The following ABCG4 variants were observed in gnomAD, a reference collection of about 807,000 sequenced individuals.
The protein encoded by ABCG4 is ATP-binding cassette sub-family G member 4.
Under a neutral mutation model 64.6 loss-of-function variants are expected in ABCG4, and 35 were observed. That is an observed-to-expected ratio of 0.54 (90% CI 0.41 to 0.72). The LOEUF (loss-of-function observed/expected upper bound fraction) is 0.72. Among genes scored for constraint, ABCG4 ranks in the 30% least tolerant of loss-of-function variants. The pLI, the probability that ABCG4 is intolerant of heterozygous loss-of-function variation, is 0.00. For synonymous variants in ABCG4, 326 were observed against 348.2 expected (o/e 0.94, Z 0.71); for missense variants, 610 against 846.3 (o/e 0.72, Z 3.46).
rs115075339 is a variant in ABCG4 at position 119,156,948 on chromosome 11, T to C, written c.1002T>C (p.Ala334=). Residue 334 remains alanine, a synonymous_variant, in exon 9 of 15, where the codon GCT becomes GCC. Coordinates refer to ENST00000619701, the MANE Select transcript of ABCG4 (RefSeq NM_022169.5). The surrounding 1 kb of genome is among the most constrained non-coding windows in gnomAD (Gnocchi z 5.5). ...GGGCTGTGCAGAATGGGCTGTGCGC[T>C]ATGGCTGAGAAGAAGAGCAGCCCTG... The part of the protein sequence containing the change: ...LFRAVQNGLC[A]MAEKKSSPEK... 4.9e-4 allele frequency: 795 copies of C among 1,613,994 alleles called. 10 individuals carry two copies. The African/African-American group carries it at 9.5e-3, about 19-fold the overall frequency.
chr11:119,149,695 A>T lies in ABCG4; in HGVS notation c.-12-259A>T. 1.9e-6 allele frequency: 1 copy of T among 538,894 alleles called. No homozygotes were observed. Among genetic ancestry groups the T allele is most frequent in the Non-Finnish European group, 3.3e-6 (1 of 304,146 alleles). 33.4% of individuals were successfully genotyped at this position (538,894 alleles called of 1,614,324 possible). ...GGGGCTGCTGGCCTGCGGGGTAAGG[A>T]GATTAGAGAAGCCGCCGGGAGGAAG... On this transcript the variant is annotated intron_variant, in intron 1 of 14. Coordinates refer to ENST00000619701, the MANE Select transcript of ABCG4 (RefSeq NM_022169.5). This position sits in a 1 kb window ranked among gnomAD's most constrained non-coding sequence, Gnocchi z 8.3.
At chr11:119,159,177 A>G (rs1236333692) in intron 12 of ABCG4, among the ~76,000 whole-genome samples, 1 of 152,242 alleles carries the variant, frequency 6.6e-6, no homozygotes, top group Non-Finnish European at 1.5e-5. Context: ...CTGACAACAA[A>G]CAGAAAATGA....
In ABCG4 at chr11:119,150,121, C is replaced by T. The variant is rs776680931; in HGVS notation, c.156C>T (p.His52=). The T allele has an allele frequency of 2.5e-6, 4 of 1,614,158 alleles. No homozygotes were observed. Among genetic ancestry groups the T allele is most frequent in the Admixed American group, 1.7e-5 (1 of 60,022 alleles). Residue 52 remains histidine (H), a synonymous_variant, in exon 2 of 15, where the codon CAC becomes CAT. Transcript: ENST00000619701. This position sits in a 1 kb window ranked among gnomAD's most constrained non-coding sequence, Gnocchi z 4.3. ...TCACTGAAGCCCAGCGCTTCTCCCA[C>T]CTACCCAAGCGCTCAGCCGTGGACA... ...NHITEAQRFS[H]LPKRSAVDIE...
Position 119,150,154 on chromosome 11 carries a change from C to G in ABCG4, c.189C>G (p.Phe63Leu), listed in dbSNP as rs1461324097. ...AGCGCTCAGCCGTGGACATCGAGTT[C>G]GTGGAGCTGTCCTATTCCGTGCGGG... is the stretch of plus-strand genomic sequence containing the variant. ...LPKRSAVDIE[F>L]VELSYSVREG... is the part of the protein sequence containing the mutation. Residue 63 changes from phenylalanine to leucine, a missense_variant, in exon 2 of 15, where the codon TTC (phenylalanine) becomes TTG (leucine). Phe to Leu is a conservative substitution (Grantham distance 22, BLOSUM62 0). Coordinates refer to ENST00000619701, the MANE Select transcript of ABCG4 (RefSeq NM_022169.5). This position sits in a 1 kb window ranked among gnomAD's most constrained non-coding sequence, Gnocchi z 4.3. 1.2e-6 allele frequency: 2 copies of G among 1,614,146 alleles called. No individual in the cohort carries two copies. The highest frequency in any genetic ancestry group is 3.3e-5 in the Admixed American group (2 of 60,028).
At position 119,149,309 on chromosome 11, in the gene ABCG4, G is replaced by A. The variant is rs1435196789; in HGVS notation, c.-67G>A. The A allele has an allele frequency of 1.3e-5, 2 of 151,510 alleles. No individual in the cohort carries two copies. The highest frequency in any genetic ancestry group is 2.4e-5 in the African/African-American group (1 of 41,260). 9.4% of individuals were successfully genotyped at this position (151,510 alleles called of 1,614,324 possible). A position where few individuals can be genotyped will look rare whatever the true frequency, so the allele number is the denominator to read the frequency against. ...AGGGGAGCCCCGGCTCTCCGTCCCC[G>A]GTCCGTGGCAGCGCTGAGCATCCCG... On this transcript the variant is annotated 5_prime_UTR_variant, in exon 1 of 15. Transcript: ENST00000619701. This position sits in a 1 kb window ranked among gnomAD's most constrained non-coding sequence, Gnocchi z 8.3.
Position 119,158,851 on chromosome 11 carries a change from C to T in ABCG4, c.1359C>T (p.Phe453=), listed in dbSNP as rs747993546. Residue 453 remains phenylalanine (F), a synonymous_variant, in exon 12 of 15, where the codon TTC becomes TTT. Coordinates refer to ENST00000619701, the MANE Select transcript of ABCG4 (RefSeq NM_022169.5). This position sits in a 1 kb window ranked among gnomAD's most constrained non-coding sequence, Gnocchi z 4.5. The part of the protein sequence containing the change: ...VLTFPLEMAV[F]MREHLNYWYS... The stretch of plus-strand genomic sequence containing the variant: ...CAGTCCCCTTAGAGATGGCGGTCTT[C>T]ATGAGGGAGCACCTCAACTACTGGT... The T allele has an allele frequency of 2.5e-6, 4 of 1,614,080 alleles. No homozygotes were observed. The African/African-American group carries it at 5.3e-5, about 22-fold the overall frequency.
rs1948269596 is a variant in ABCG4 at position 119,156,684 on chromosome 11, TG to T, written c.925+11del. Reference sequence around the variant, plus strand: ...CCACAACCCGGCTGACTTCAGTGAGTGGGGGTCTGTTGGTAGGGGCTGGGAA... The same window carrying T: ...CCACAACCCGGCTGACTTCAGTGAGTGGGGTCTGTTGGTAGGGGCTGGGAA... On this transcript the variant is annotated splice_region_variant and intron_variant, in intron 8 of 14. Transcript: ENST00000619701. This position sits in a 1 kb window ranked among gnomAD's most constrained non-coding sequence, Gnocchi z 5.5. The T allele has an allele frequency of 6.2e-7, 1 of 1,613,488 alleles. No homozygotes were observed. The highest frequency in any genetic ancestry group is 1.3e-5 in the African/African-American group (1 of 74,886).
intron 2 of ABCG4, among the ~76,000 whole-genome samples, chr11:119,151,261 T>A (rs1485505013): frequency 1.3e-5 from 2 of 152,208 alleles, no homozygotes; most frequent in African/African-American, 4.8e-5. Context: ...AGATTTTTTT[T>A]TAAAATGTGT....
chr11:119,154,098 C>G lies in ABCG4; in HGVS notation c.311C>G (p.Ser104Ter), dbSNP rs373954461. 44 of 1,614,084 alleles carry G rather than the reference C, an allele frequency of 2.7e-5. No individual in the cohort carries two copies. The highest frequency in any genetic ancestry group is 3.6e-5 in the Non-Finnish European group (42 of 1,180,048). ...RRELIGIMGP[S>*]GAGKSTFMNI... Reference sequence around the variant, plus strand: ...GAGCTGATTGGCATCATGGGCCCCTCAGGGGCTGGCAAGTCTACATTCATG... The same window carrying G: ...GAGCTGATTGGCATCATGGGCCCCTGAGGGGCTGGCAAGTCTACATTCATG... Residue 104 changes from serine to a stop codon, truncating the protein, a stop_gained, in exon 3 of 15, where the codon TCA becomes TGA. Transcript: ENST00000619701. LOFTEE classifies it high-confidence loss of function. This position sits in a 1 kb window ranked among gnomAD's most constrained non-coding sequence, Gnocchi z 7.0.
rs781271303 is a variant in ABCG4, at chr11:119,156,298, C to T, written c.687-31C>T. 25 of 1,613,954 alleles carry T rather than the reference C, an allele frequency of 1.5e-5. No homozygotes were observed. The Middle Eastern group carries it at 2.5e-3, about 160-fold the overall frequency. On this transcript the variant is annotated intron_variant, in intron 6 of 14. Coordinates refer to ENST00000619701, the MANE Select transcript of ABCG4 (RefSeq NM_022169.5). This position sits in a 1 kb window ranked among gnomAD's most constrained non-coding sequence, Gnocchi z 5.5. Reference sequence around the variant, plus strand: ...CCTTCTTTTGGCCTCACCCACCTCACGTGGCCCCCTGGTGGCCTCTCTCTG... The same window carrying T: ...CCTTCTTTTGGCCTCACCCACCTCATGTGGCCCCCTGGTGGCCTCTCTCTG...
chr11:119,157,972 A>G (rs1592307334), intron 9 of ABCG4, among the ~76,000 whole-genome samples: 3 of 152,366 alleles, frequency 2.0e-5, no homozygotes, highest in Admixed American at 1.3e-4. Context: ...CCGATCTATT[A>G]TTAGCCACCA....
At chr11:119,157,814 T>C (rs980758410) in intron 9 of ABCG4, among the ~76,000 whole-genome samples, 9 of 152,088 alleles carry the variant, frequency 5.9e-5, no homozygotes, top group East Asian at 5.8e-4. Context: ...TGCAGTGAGC[T>C]GAGATTGCGC....
chr11:119,149,744 A>ACGGGCTGGGGT lies in ABCG4; in HGVS notation c.-12-208_-12-198dup. The stretch of plus-strand genomic sequence containing the variant: ...AGGAGCGATTGAGGGCTTCAAGGGG[A>ACGGGCTGGGGT]CGGGCTGGGGTCAGGCTGGAGCTGG... On this transcript the variant is annotated intron_variant, in intron 1 of 14. Coordinates refer to ENST00000619701, the MANE Select transcript of ABCG4 (RefSeq NM_022169.5). This position sits in a 1 kb window ranked among gnomAD's most constrained non-coding sequence, Gnocchi z 8.3. 1.4e-6 allele frequency: 1 copy of ACGGGCTGGGGT among 697,508 alleles called. No homozygotes were observed. The highest frequency in any genetic ancestry group is 3.0e-5 in the Admixed American group (1 of 33,442). 43.2% of individuals were successfully genotyped at this position (697,508 alleles called of 1,614,324 possible). A position where few individuals can be genotyped will look rare whatever the true frequency, so the allele number is the denominator to read the frequency against.
Position 119,154,137 on chromosome 11 carries a change from G to GTCTAC in ABCG4, c.350_351insTCTAC (p.Tyr118LeufsTer8), listed in dbSNP as rs1463681497. 1 of 1,614,162 alleles carries GTCTAC rather than the reference G, an allele frequency of 6.2e-7. No homozygotes were observed. Among genetic ancestry groups the GTCTAC allele is most frequent in the Non-Finnish European group, 8.5e-7 (1 of 1,180,014 alleles). On this transcript the variant is annotated frameshift_variant, in exon 3 of 15. Coordinates refer to ENST00000619701, the MANE Select transcript of ABCG4 (RefSeq NM_022169.5). LOFTEE classifies it high-confidence loss of function. This position sits in a 1 kb window ranked among gnomAD's most constrained non-coding sequence, Gnocchi z 7.0. ...TCTACATTCATGAACATCTTGGCAG[G>GTCTAC]ATACAGGTAAGGAAGAGACTGGGGT...
At position 119,156,458 on chromosome 11, in the gene ABCG4, T is replaced by G. The variant is rs1344918067; in HGVS notation, c.810+6T>G. ...TCTTTGAGATGTTTGACAAGGTGAG[T>G]GTCTCCAGGCCTCAAGGAGGATTGG... On this transcript the variant is annotated splice_donor_region_variant and intron_variant, in intron 7 of 14. Coordinates refer to ENST00000619701, the MANE Select transcript of ABCG4 (RefSeq NM_022169.5). This position sits in a 1 kb window ranked among gnomAD's most constrained non-coding sequence, Gnocchi z 5.5. 1.9e-6 allele frequency: 3 copies of G among 1,614,084 alleles called. No individual in the cohort carries two copies. The East Asian group carries it at 6.7e-5, about 36-fold the overall frequency.
chr11:119,157,272 C>T (rs1205035209), intron 9 of ABCG4, among the ~76,000 whole-genome samples: 2 of 152,228 alleles, frequency 1.3e-5, no homozygotes, highest in Non-Finnish European at 2.9e-5. Flanking sequence ...GTGCTGTCCT[C>T]GGTCCTGGCA....
intron 12 of ABCG4, among the ~76,000 whole-genome samples, chr11:119,159,263 G>A (rs771560680): frequency 6.6e-6 from 1 of 152,244 alleles, no homozygotes; most frequent in African/African-American, 2.4e-5. Flanking sequence ...GAGGCTGGAG[G>A]ATCACTTGAG....
Position 119,150,315 on chromosome 11 carries a change from G to A in ABCG4, c.238+112G>A, listed in dbSNP as rs1948178955. On this transcript the variant is annotated intron_variant, in intron 2 of 14. Coordinates refer to ENST00000619701, the MANE Select transcript of ABCG4 (RefSeq NM_022169.5). The surrounding 1 kb of genome is among the most constrained non-coding windows in gnomAD (Gnocchi z 4.3). Reference sequence around the variant, plus strand: ...AAAGTCCTGCACCAGTGGGCTCTGTGGAAACACTAAAATCTGGGCCCCAGC... The same window carrying A: ...AAAGTCCTGCACCAGTGGGCTCTGTAGAAACACTAAAATCTGGGCCCCAGC... 9.1e-6 allele frequency: 13 copies of A among 1,433,708 alleles called. No individual in the cohort carries two copies. In the South Asian group the frequency reaches 1.7e-4, roughly 19 times the overall value. 88.8% of individuals were successfully genotyped at this position (1,433,708 alleles called of 1,614,324 possible).
Position 119,154,893 on chromosome 11 carries a change from A to G in ABCG4, c.664A>G (p.Met222Val). 2.5e-6 allele frequency: 4 copies of G among 1,612,356 alleles called. No homozygotes were observed. The highest frequency in any genetic ancestry group is 3.4e-6 in the Non-Finnish European group (4 of 1,178,612). ...GGAGCTGGTCAACAACCCGCCTGTC[A>G]TGTTCTTTGATGAGCCCACCAGGTA... is the stretch of plus-strand genomic sequence containing the variant. ...ALELVNNPPV[M>V]FFDEPTSGLD... is the part of the protein sequence containing the mutation. Residue 222 changes from methionine to valine, a missense_variant, in exon 6 of 15, where the codon ATG (methionine) becomes GTG (valine). Coordinates refer to ENST00000619701, the MANE Select transcript of ABCG4 (RefSeq NM_022169.5). The surrounding 1 kb of genome is among the most constrained non-coding windows in gnomAD (Gnocchi z 7.0).
Sources: gnomAD v4.1 joint callset for allele counts (sites outside exome capture counted in the v4.1 genomes callset) on GRCh38, gnomAD v4.1.1 for gene constraint, Gnocchi (gnomAD v3.1) non-coding constraint, MANE v1.5 for transcripts, NCBI Gene and HGNC (gene_info 2026-07-23, HGNC 2026-07-21) for gene names.